Variants in POLA1 observed in about 807,000 individuals in gnomAD.
POLA1 encodes the protein DNA polymerase alpha catalytic subunit.
POLA1 carries 15 observed loss-of-function variants against 124.0 expected under a neutral mutation model. The ratio of observed to expected loss-of-function variants is 0.12; its 90% CI spans 0.08 to 0.19. POLA1 has a LOEUF of 0.19. Among genes scored for constraint, POLA1 ranks in the 10% least tolerant of loss-of-function variants. POLA1 has a pLI of 1.00. For synonymous variants in POLA1, 408 were observed against 389.4 expected, an observed-to-expected ratio of 1.05 and a Z score of -0.56; for missense variants, 886 against 1,103.4, an observed-to-expected ratio of 0.80 and a Z score of 2.79.
At chrX:24,708,263 TATTA>T (rs942516080) in intron 4 of POLA1, among the ~76,000 whole-genome samples, 11 of 111,604 alleles carry the variant, frequency 9.9e-5, no homozygotes, top group Middle Eastern at 4.7e-3. Context: ...ACATTTTGAC[TATTA>T]ATTACATTCT....
intron 4 of POLA1, among the ~76,000 whole-genome samples, chrX:24,712,818 A>G (rs145188140): frequency 2.7e-3 from 300 of 112,259 alleles, no homozygotes; most frequent in African/African-American, 9.3e-3. Context: ...ACACTACTTA[A>G]TAAAGTCCAT....
chrX:24,917,074 C>T (rs917809988), intron 35 of POLA1, among the ~76,000 whole-genome samples: 14 of 111,357 alleles, frequency 1.3e-4, no homozygotes, highest in South Asian at 3.8e-4. Context: ...GAGGCTGAGG[C>T]GGGTGGATCA....
At chrX:24,786,839 G>A (rs1255374664) in intron 26 of POLA1, among the ~76,000 whole-genome samples, 3 of 107,923 alleles carry the variant, frequency 2.8e-5, no homozygotes, top group Admixed American at 1.0e-4. Flanking sequence ...AGGCATAGGC[G>A]TGCACCACCA....
At chrX:24,873,900 A>T (rs1300922115) in intron 34 of POLA1, among the ~76,000 whole-genome samples, 1 of 111,912 alleles carries the variant, frequency 8.9e-6, no homozygotes, top group Admixed American at 9.5e-5. Flanking sequence ...TCCTTTTTTG[A>T]ACTAAGTCTT....
At chrX:24,960,286 A>C (rs979772535) in intron 36 of POLA1, among the ~76,000 whole-genome samples, 2 of 112,157 alleles carry the variant, frequency 1.8e-5, no homozygotes, top group Non-Finnish European at 3.8e-5. Context: ...ATTCATGCTA[A>C]ATAAAAAGTT....
intron 36 of POLA1, among the ~76,000 whole-genome samples, chrX:24,934,629 A>G (rs529778817): frequency 8.9e-6 from 1 of 112,567 alleles, no homozygotes; most frequent in South Asian, 3.7e-4. Context: ...TAGGACTGCT[A>G]TAACAAAGTA....
At chrX:24,718,179 G>A (rs1602273923) in intron 10 of POLA1, among the ~76,000 whole-genome samples, 1 of 112,326 alleles carries the variant, frequency 8.9e-6, no homozygotes, top group East Asian at 2.8e-4. Flanking sequence ...AAATTTGAAT[G>A]CCTATTGTGT....
At chrX:24,970,023 A>T (rs1359036001) in intron 36 of POLA1, among the ~76,000 whole-genome samples, 3 of 112,669 alleles carry the variant, frequency 2.7e-5, no homozygotes, top group Non-Finnish European at 3.7e-5. Flanking sequence ...ATGGCTGCAT[A>T]GTATTCCATG....
chrX:24,818,639 C>T (rs1286037982), intron 30 of POLA1, among the ~76,000 whole-genome samples: 2 of 111,487 alleles, frequency 1.8e-5, no homozygotes, highest in East Asian at 2.8e-4. Context: ...TGGTTTATCT[C>T]GATATTTAGT....
chrX:24,768,994 T>C (rs2044970358), intron 26 of POLA1, among the ~76,000 whole-genome samples: 1 of 112,176 alleles, frequency 8.9e-6, no homozygotes, highest in South Asian at 3.7e-4. Flanking sequence ...ATGCTATTGC[T>C]AATACTGCAT....
intron 4 of POLA1, among the ~76,000 whole-genome samples, chrX:24,705,140 C>T (rs187794281): frequency 2.7e-5 from 3 of 110,967 alleles, no homozygotes; most frequent in South Asian, 7.6e-4. Flanking sequence ...AGTTCACATA[C>T]CATACAATTC....
intron 35 of POLA1, among the ~76,000 whole-genome samples, chrX:24,903,334 T>G (rs1272729376): frequency 8.9e-6 from 1 of 112,913 alleles, no homozygotes; most frequent in Admixed American, 9.4e-5. Context: ...CCTGCTTTAT[T>G]GTTTTCTCTT....
intron 26 of POLA1, among the ~76,000 whole-genome samples, chrX:24,750,152 G>A (rs1166783030): frequency 8.9e-6 from 1 of 112,356 alleles, no homozygotes; most frequent in Admixed American, 9.4e-5. Flanking sequence ...TTTGTATTAC[G>A]AGAGCAGAGC....
chrX:24,697,052 A>G (rs901908250), intron 1 of POLA1, among the ~76,000 whole-genome samples: 1 of 110,755 alleles, frequency 9.0e-6, no homozygotes, highest in African/African-American at 3.3e-5. Context: ...TCCTCTGTAC[A>G]TTTCCTCAGT....
chrX:24,988,397 A>G (rs890349838), intron 36 of POLA1, among the ~76,000 whole-genome samples: 1 of 112,810 alleles, frequency 8.9e-6, no homozygotes, highest in Non-Finnish European at 1.9e-5. Flanking sequence ...ATAAGAGCCC[A>G]GAAATGAGTC....
intron 35 of POLA1, among the ~76,000 whole-genome samples, chrX:24,897,647 C>T (rs2047225090): frequency 8.9e-6 from 1 of 112,181 alleles, no homozygotes. Flanking sequence ...TTCTTGGCCC[C>T]TCTACCTAGA....
intron 19 of POLA1, 62 bp from the exon 20 acceptor site, chrX:24,739,313 A>G: frequency 1.2e-6 from 1 of 816,254 alleles, no homozygotes; most frequent in Non-Finnish European, 1.8e-6. Context: ...AAAATAGGTT[A>G]GAAAGAAATG....
intron 36 of POLA1, among the ~76,000 whole-genome samples, chrX:24,947,246 CTTTTTTTTTTTTTTTTTTTTTTT>C (rs764618354): frequency 2.3e-4 from 5 of 21,620 alleles, no homozygotes; most frequent in Admixed American, 9.0e-4. Context: ...CCTGCAGATT[CTTTTTTTTTTTTTTTTTTTTTTT>C]TTTTTTTTTT....
At chrX:24,820,006 A>G (rs1402421213) in intron 30 of POLA1, among the ~76,000 whole-genome samples, 1 of 112,069 alleles carries the variant, frequency 8.9e-6, no homozygotes, top group Non-Finnish European at 1.9e-5. Context: ...TTATGGCTGC[A>G]TAGTATTCCA....
Sources: allele counts gnomAD v4.1 joint callset (sites outside exome capture counted in the v4.1 genomes callset), GRCh38; gene constraint gnomAD v4.1.1; transcripts MANE v1.5; gene names NCBI Gene and HGNC (gene_info 2026-07-23, HGNC 2026-07-21).